The following NUDT6 variants were observed in gnomAD, a reference collection of about 807,000 sequenced individuals.
NUDT6 encodes the protein FAD diphosphatase NUDT6.
NUDT6 carries 24 observed loss-of-function variants against 36.8 expected under a neutral mutation model. That is an observed-to-expected ratio of 0.65 (90% CI 0.47 to 0.92). The LOEUF is 0.92. Ranked by LOEUF, NUDT6 falls within the 40% of genes least tolerant of loss-of-function variation. NUDT6 has a pLI of 0.00. For missense variants in NUDT6, 388 were observed against 392.8 expected, an observed-to-expected ratio of 0.99 and a Z score of 0.10; for synonymous variants, 163 against 157.0, an observed-to-expected ratio of 1.04 and a Z score of -0.29.
chr4:122,915,217 C>T (rs944229966), intron 2 of NUDT6, among the ~76,000 whole-genome samples: 4 of 152,150 alleles, frequency 2.6e-5, no homozygotes, highest in Non-Finnish European at 2.9e-5. Flanking sequence ...CATCTGCCTT[C>T]GGTAGTTTAT....
At chr4:122,918,943 A>G (rs1727909458) in intron 1 of NUDT6, 1 of 152,220 alleles carries the variant, frequency 6.6e-6, no homozygotes. Flanking sequence ...CATTTCTATC[A>G]CTCCATACAT....
chr4:122,914,294 A>T lies in NUDT6; in HGVS notation c.443-1671T>A, dbSNP rs147641150. ...AAAATCACCAAGTGAGATATAATTAACATTAATGTTGGCTTCTATTAGAAA... is the reference window on the plus strand; with the variant it reads ...AAAATCACCAAGTGAGATATAATTATCATTAATGTTGGCTTCTATTAGAAA... On this transcript the variant is annotated intron_variant, in intron 2 of 4. Transcript: ENST00000304430. 3.8e-3 allele frequency among the ~76,000 whole-genome samples: 575 copies of T among 152,324 alleles called. 1 individual carries two copies. The highest frequency in any genetic ancestry group is 6.7e-3 in the Non-Finnish European group (457 of 68,028).
intron 4 of NUDT6, 122 bp downstream of exon 4, chr4:122,897,502 T>C: frequency 1.4e-6 from 1 of 724,654 alleles, no homozygotes; most frequent in Admixed American, 2.3e-5. Context: ...TTCTGAAATG[T>C]TCAGACTCAG....
chr4:122,903,086 C>G (rs1302142840), intron 3 of NUDT6, among the ~76,000 whole-genome samples: 1 of 151,920 alleles, frequency 6.6e-6, no homozygotes, highest in Non-Finnish European at 1.5e-5. Flanking sequence ...CACCTAACAC[C>G]AAACATTTAC....
intron 1 of NUDT6, 102 bp downstream of exon 1, chr4:122,922,233 G>C: frequency 2.1e-6 from 2 of 968,598 alleles, no homozygotes; most frequent in Non-Finnish European, 2.9e-6. Flanking sequence ...TTTCCCTCTG[G>C]GCTCGACAGT....
chr4:122,922,545 A>AGCGGCCCCAGCTCAGTG lies in NUDT6; in HGVS notation c.11_27dup (p.Trp10HisfsTer2). 6.2e-7 allele frequency: 1 copy of AGCGGCCCCAGCTCAGTG among 1,602,484 alleles called. No individual in the cohort carries two copies. The highest frequency in any genetic ancestry group is 8.5e-7 in the Non-Finnish European group (1 of 1,177,420). ...TAGGTTCGGGCAAGCATCGCGCGCCAGCGGCCCCAGCTCAGTGGCTGCCGC... is the reference window on the plus strand; with the variant it reads ...TAGGTTCGGGCAAGCATCGCGCGCCAGCGGCCCCAGCTCAGTGGCGGCCCCAGCTCAGTGGCTGCCGC... On this transcript the variant is annotated stop_gained and frameshift_variant, in exon 1 of 5. Coordinates refer to ENST00000304430, the MANE Select transcript of NUDT6 (RefSeq NM_007083.5). LOFTEE classifies it high-confidence loss of function.
chr4:122,912,467 C>A lies in NUDT6; in HGVS notation c.498+101G>T, dbSNP rs182498305. 4.5e-5 allele frequency: 36 copies of A among 795,164 alleles called. No homozygotes were observed. The East Asian group carries it at 8.9e-4, about 20-fold the overall frequency. The allele number at this position is 795,164 out of a possible 1,614,324, so 49.3% of individuals were successfully genotyped here. On this transcript the variant is annotated intron_variant, in intron 3 of 4. Coordinates refer to ENST00000304430, the MANE Select transcript of NUDT6 (RefSeq NM_007083.5). ...TGCTTAGAAATGATTTTTAAAATAC[C>A]TTTCTATAACCCCTTAGGCATATTA...
At chr4:122,904,093 A>G (rs1477938528) in intron 3 of NUDT6, among the ~76,000 whole-genome samples, 1 of 152,194 alleles carries the variant, frequency 6.6e-6, no homozygotes, top group African/African-American at 2.4e-5. Context: ...CTAAAGGCAA[A>G]GCTTTCTGAG....
intron 3 of NUDT6, among the ~76,000 whole-genome samples, chr4:122,911,116 G>C (rs1052387463): frequency 1.3e-5 from 2 of 152,096 alleles, no homozygotes; most frequent in East Asian, 1.9e-4. Flanking sequence ...ATATTGGAGA[G>C]AGTTATAATA....
rs376462441 is a variant in NUDT6 at position 122,902,067 on chromosome 4, A to C, written c.499-4389T>G. On this transcript the variant is annotated intron_variant, in intron 3 of 4. Coordinates refer to ENST00000304430, the MANE Select transcript of NUDT6 (RefSeq NM_007083.5). ...CATTGTTCTAGTCTTTAATAATCCT[A>C]TCGCCTTTTATAATTCAGACCTACT... Among the ~76,000 whole-genome samples, 4 of 152,162 alleles carry C rather than the reference A, an allele frequency of 2.6e-5. No homozygotes were observed. In the East Asian group the frequency reaches 7.7e-4, roughly 29 times the overall value.
chr4:122,921,309 T>C (rs1268199256), intron 1 of NUDT6: 5 of 152,110 alleles, frequency 3.3e-5, no homozygotes, highest in Non-Finnish European at 1.5e-5. Flanking sequence ...GGTGACTATA[T>C]TCAATAAAGA....
At chr4:122,905,741 C>A (rs914139780) in intron 3 of NUDT6, among the ~76,000 whole-genome samples, 1 of 152,192 alleles carries the variant, frequency 6.6e-6, no homozygotes, top group African/African-American at 2.4e-5. Flanking sequence ...CTGGCTTCCA[C>A]AGTTTCTTCA....
intron 4 of NUDT6, chr4:122,896,033 G>A (rs531818863): frequency 6.6e-6 from 1 of 152,642 alleles, no homozygotes; most frequent in South Asian, 2.1e-4. Flanking sequence ...CTGCTTTCAG[G>A]GTTTTATGAA....
chr4:122,903,734 G>C (rs1175127811), intron 3 of NUDT6, among the ~76,000 whole-genome samples: 1 of 152,170 alleles, frequency 6.6e-6, no homozygotes, highest in Non-Finnish European at 1.5e-5. Flanking sequence ...CTGTGTGCTC[G>C]TGGTTCCTGT....
chr4:122,916,858 C>T (rs1376422245), intron 2 of NUDT6, among the ~76,000 whole-genome samples: 1 of 152,064 alleles, frequency 6.6e-6, no homozygotes, highest in Non-Finnish European at 1.5e-5. Context: ...TATTTGAATC[C>T]AAGTACTGTG....
chr4:122,913,654 C>T (rs1456842788), intron 2 of NUDT6, among the ~76,000 whole-genome samples: 1 of 152,158 alleles, frequency 6.6e-6, no homozygotes, highest in Non-Finnish European at 1.5e-5. Context: ...TATGTATATA[C>T]ACAACTTTAT....
intron 3 of NUDT6, among the ~76,000 whole-genome samples, chr4:122,900,569 T>C (rs1431196536): frequency 6.6e-6 from 1 of 151,562 alleles, no homozygotes; most frequent in African/African-American, 2.4e-5. Context: ...GGGTCACACA[T>C]CTAGTATGTG....
chr4:122,900,371 G>A (rs1348365347), intron 3 of NUDT6, among the ~76,000 whole-genome samples: 2 of 144,566 alleles, frequency 1.4e-5, no homozygotes, highest in Admixed American at 7.0e-5. Context: ...ATCCTTTTCC[G>A]AAGCTTTTGT....
At chr4:122,899,078 G>A (rs1403244141) in intron 3 of NUDT6, among the ~76,000 whole-genome samples, 6 of 44,954 alleles carry the variant, frequency 1.3e-4, no homozygotes, top group Admixed American at 2.5e-4. Flanking sequence ...AGATTTCACC[G>A]TGTTGCCCAG....
Sources: allele counts gnomAD v4.1 joint callset (sites outside exome capture counted in the v4.1 genomes callset), GRCh38; gene constraint gnomAD v4.1.1; transcripts MANE v1.5; gene names NCBI Gene and HGNC (gene_info 2026-07-23, HGNC 2026-07-21).